The following MTUS2 variants were observed in gnomAD, a reference collection of about 807,000 sequenced individuals.
MTUS2 encodes microtubule associated scaffold protein 2, also known as microtubule-associated tumor suppressor candidate 2.
A neutral mutation model predicts 114.1 loss-of-function variants in MTUS2; 40 were observed. That is an observed-to-expected ratio of 0.35 (90% CI 0.27 to 0.46). The LOEUF (loss-of-function observed/expected upper bound fraction) is 0.46, where lower values mean the gene tolerates loss of function less well. MTUS2 is among the 20% of genes least tolerant of loss of function. The pLI, the probability that MTUS2 is intolerant of heterozygous loss-of-function variation, is 1.00. For synonymous variants in MTUS2, 688 were observed against 672.0 expected, an observed-to-expected ratio of 1.02 and a Z score of -0.37; for missense variants, 1,679 against 1,705.4, an observed-to-expected ratio of 0.98 and a Z score of 0.27.
chr13:29,016,666 A>C (rs1886080749), intron 2 of MTUS2, among the ~76,000 whole-genome samples: 1 of 152,132 alleles, frequency 6.6e-6, no homozygotes, highest in South Asian at 2.1e-4. Context: ...TTTTATGTAA[A>C]ATAAAAATAA....
chr13:28,996,878 G>C (rs907773800), intron 2 of MTUS2, among the ~76,000 whole-genome samples: 3 of 151,984 alleles, frequency 2.0e-5, no homozygotes, highest in African/African-American at 7.3e-5. Context: ...TTTTTGAAGG[G>C]ATTTTTGTGT....
At chr13:28,910,721 T>A (rs143882820) in intron 2 of MTUS2, among the ~76,000 whole-genome samples, 15 of 152,286 alleles carry the variant, frequency 9.8e-5, no homozygotes, top group African/African-American at 3.4e-4. Flanking sequence ...TCATTTCTTT[T>A]TATGGCTGCA....
intron 8 of MTUS2, among the ~76,000 whole-genome samples, chr13:29,408,372 A>G (rs1051620314): frequency 1.3e-5 from 2 of 152,176 alleles, no homozygotes; most frequent in Non-Finnish European, 2.9e-5. Flanking sequence ...CTGGAGTGCC[A>G]TGGTACAATC....
At chr13:28,929,725 C>T (rs1322020446) in intron 2 of MTUS2, among the ~76,000 whole-genome samples, 1 of 152,200 alleles carries the variant, frequency 6.6e-6, no homozygotes, top group African/African-American at 2.4e-5. Flanking sequence ...TACCCAACAG[C>T]AAACACTTCT....
intron 5 of MTUS2, among the ~76,000 whole-genome samples, chr13:29,227,127 T>C (rs1896137787): frequency 6.6e-6 from 1 of 151,764 alleles, no homozygotes; most frequent in Admixed American, 6.6e-5. Flanking sequence ...GGTGTGGTAG[T>C]GTGTGCCTGT....
intron 6 of MTUS2, among the ~76,000 whole-genome samples, chr13:29,320,542 G>A (rs534516740): frequency 2.0e-3 from 302 of 152,340 alleles, no homozygotes; most frequent in African/African-American, 7.0e-3. Flanking sequence ...AACAGCACAG[G>A]CTGAGACACC....
chr13:29,265,734 G>T (rs1897642152), intron 5 of MTUS2, among the ~76,000 whole-genome samples: 1 of 152,006 alleles, frequency 6.6e-6, no homozygotes, highest in Admixed American at 6.5e-5. Flanking sequence ...GCAAGGAGGG[G>T]GTCTGCTACA....
intron 5 of MTUS2, among the ~76,000 whole-genome samples, chr13:29,132,933 C>T (rs1891826834): frequency 6.6e-6 from 1 of 151,972 alleles, no homozygotes; most frequent in South Asian, 2.1e-4. Flanking sequence ...TGGGGAGCTG[C>T]CATACTGTTT....
chr13:29,065,665 T>G (rs1247361497), intron 4 of MTUS2, among the ~76,000 whole-genome samples: 1 of 152,218 alleles, frequency 6.6e-6, no homozygotes, highest in African/African-American at 2.4e-5. Flanking sequence ...CAGTAATTTT[T>G]AAGTTGACAC....
At chr13:29,198,705 G>C (rs1482382632) in intron 5 of MTUS2, among the ~76,000 whole-genome samples, 1 of 152,150 alleles carries the variant, frequency 6.6e-6, no homozygotes, top group Non-Finnish European at 1.5e-5. Flanking sequence ...CCATGAGCAT[G>C]GAATGTTTTT....
chr13:29,397,612 A>C (rs896429946), intron 8 of MTUS2, among the ~76,000 whole-genome samples: 1 of 152,194 alleles, frequency 6.6e-6, no homozygotes, highest in African/African-American at 2.4e-5. Context: ...CACTGCTGTG[A>C]ATTACTTTAC....
chr13:29,282,431 C>T (rs1898312628), intron 6 of MTUS2, among the ~76,000 whole-genome samples: 2 of 152,236 alleles, frequency 1.3e-5, no homozygotes, highest in African/African-American at 4.8e-5. Context: ...ACCCACAAAG[C>T]TAGTGACTGG....
intron 2 of MTUS2, among the ~76,000 whole-genome samples, chr13:28,847,430 G>A (rs1875962233): frequency 6.6e-6 from 1 of 151,990 alleles, no homozygotes; most frequent in Admixed American, 6.5e-5. Flanking sequence ...AAAGGCAAAG[G>A]CAAGAGGATC....
At chr13:29,298,679 C>T (rs761389930) in intron 6 of MTUS2, among the ~76,000 whole-genome samples, 1 of 152,176 alleles carries the variant, frequency 6.6e-6, no homozygotes, top group Non-Finnish European at 1.5e-5. Flanking sequence ...AATAGGGTCA[C>T]TTGATGGCTA....
At chr13:29,164,635 C>T (rs939554245) in intron 5 of MTUS2, among the ~76,000 whole-genome samples, 3 of 152,130 alleles carry the variant, frequency 2.0e-5, no homozygotes, top group African/African-American at 7.2e-5. Flanking sequence ...CACTTTTGCA[C>T]TAGAGTGGGA....
At chr13:29,229,331 C>A (rs1896234491) in intron 5 of MTUS2, among the ~76,000 whole-genome samples, 1 of 152,204 alleles carries the variant, frequency 6.6e-6, no homozygotes, top group South Asian at 2.1e-4. Flanking sequence ...CATTTTCACT[C>A]ATTTTCTTGA....
At chr13:28,960,172 A>G (rs548958102) in intron 2 of MTUS2, among the ~76,000 whole-genome samples, 3 of 152,228 alleles carry the variant, frequency 2.0e-5, no homozygotes, top group Non-Finnish European at 4.4e-5. Context: ...AATCAAAACC[A>G]CAATTAAATA....
intron 2 of MTUS2, among the ~76,000 whole-genome samples, chr13:29,002,904 T>C (rs1232425345): frequency 6.6e-6 from 1 of 152,224 alleles, no homozygotes; most frequent in Non-Finnish European, 1.5e-5. Context: ...CCAGTGATGC[T>C]AGGTAATAGA....
At chr13:29,451,532 TGAG>T (rs1323853582) in intron 9 of MTUS2, among the ~76,000 whole-genome samples, 1 of 151,974 alleles carries the variant, frequency 6.6e-6, no homozygotes, top group East Asian at 1.9e-4. Context: ...GATGGTGAGG[TGAG>T]GAGTATTATT....
Sources: gnomAD v4.1 joint callset for allele counts (sites outside exome capture counted in the v4.1 genomes callset) on GRCh38, gnomAD v4.1.1 for gene constraint, MANE v1.5 for transcripts, NCBI Gene and HGNC (gene_info 2026-07-23, HGNC 2026-07-21) for gene names.